Variants in BAZ2B observed in about 807,000 individuals in gnomAD.
The protein encoded by BAZ2B is bromodomain adjacent to zinc finger domain protein 2B.
In BAZ2B, 91 loss-of-function variants were observed where a neutral mutation model predicts 246.0. That is an observed-to-expected ratio of 0.37 (90% CI 0.31 to 0.44). The LOEUF (loss-of-function observed/expected upper bound fraction) is 0.44. Among genes scored for constraint, BAZ2B ranks in the 20% least tolerant of loss-of-function variants. BAZ2B has a pLI of 1.00. For missense variants in BAZ2B, 2,332 were observed against 2,533.7 expected, an observed-to-expected ratio of 0.92 and a Z score of 1.71; for synonymous variants, 855 against 860.0, an observed-to-expected ratio of 0.99 and a Z score of 0.10.
intron 27 of BAZ2B, among the ~76,000 whole-genome samples, chr2:159,370,119 A>G (rs973803549): frequency 8.5e-5 from 13 of 152,182 alleles, no homozygotes; most frequent in African/African-American, 1.4e-4. Flanking sequence ...GAATTGAACA[A>G]TGAGAACACT....
intron 13 of BAZ2B, among the ~76,000 whole-genome samples, chr2:159,418,543 C>T (rs2068161101): frequency 6.6e-6 from 1 of 152,038 alleles, no homozygotes; most frequent in South Asian, 2.1e-4. Context: ...TTCAATTTTA[C>T]TCATCCTGGC....
chr2:159,616,361 A>G lies in BAZ2B; in HGVS notation c.-165T>C, dbSNP rs1696105878. ...TATTTCTATTATTATTTCTGCAAGA[A>G]AAGTATAAAGAGAGTTGTAGTGGAG... is the stretch of plus-strand genomic sequence containing the variant. On this transcript the variant is annotated 5_prime_UTR_variant, in exon 1 of 37. Transcript: ENST00000392783. The G allele has an allele frequency of 1.3e-5, 2 of 152,216 alleles. No individual in the cohort carries two copies. 9.4% of individuals were successfully genotyped at this position (152,216 alleles called of 1,614,324 possible).
the BAZ2B span, among the ~76,000 whole-genome samples, chr2:159,684,352 T>C: frequency 6.6e-6 from 1 of 152,240 alleles, no homozygotes; most frequent in South Asian, 2.1e-4. Flanking sequence ...TGCTGAGTTG[T>C]GTAGTAAGTA....
At chr2:159,346,682 C>A (rs2067887049) in intron 31 of BAZ2B, among the ~76,000 whole-genome samples, 4 of 152,104 alleles carry the variant, frequency 2.6e-5, no homozygotes, top group Admixed American at 2.6e-4. Context: ...GCGTGAGACT[C>A]CATCTCAAAA....
chr2:159,465,210 C>T (rs922735279), intron 3 of BAZ2B, among the ~76,000 whole-genome samples: 1 of 152,192 alleles, frequency 6.6e-6, no homozygotes, highest in South Asian at 2.1e-4. Context: ...GGGTATGCTT[C>T]CTGTGTCTTC....
At chr2:159,330,726 C>T (rs1280833215) in intron 34 of BAZ2B, among the ~76,000 whole-genome samples, 1 of 151,442 alleles carries the variant, frequency 6.6e-6, no homozygotes, top group African/African-American at 2.4e-5. Flanking sequence ...GGCATAGTGG[C>T]ACAGGCCTGT....
the BAZ2B span, among the ~76,000 whole-genome samples, chr2:159,666,505 G>C: frequency 6.6e-6 from 1 of 151,982 alleles, no homozygotes; most frequent in Non-Finnish European, 1.5e-5. Context: ...AAGTGATCCA[G>C]CGACCTCAGC....
intron 1 of BAZ2B, among the ~76,000 whole-genome samples, chr2:159,588,622 A>C (rs1356680665): frequency 6.6e-6 from 1 of 152,136 alleles, no homozygotes; most frequent in East Asian, 1.9e-4. Context: ...GATGTTTAGC[A>C]CTGCTGGCCC....
chr2:159,672,635 A>C, the BAZ2B span, among the ~76,000 whole-genome samples: 1 of 152,178 alleles, frequency 6.6e-6, no homozygotes, highest in East Asian at 1.9e-4. Context: ...GGGAGGTGTT[A>C]TGGCTTCCTG....
the BAZ2B span, among the ~76,000 whole-genome samples, chr2:159,678,350 A>G: frequency 6.6e-6 from 1 of 152,342 alleles, no homozygotes; most frequent in Non-Finnish European, 1.5e-5. Context: ...TACTTTTTCC[A>G]TTACAAAATA....
chr2:159,518,852 C>T (rs977627452), intron 2 of BAZ2B, among the ~76,000 whole-genome samples: 5 of 152,128 alleles, frequency 3.3e-5, no homozygotes, highest in African/African-American at 1.2e-4. Flanking sequence ...GAAACAAGAT[C>T]AAATTACAAA....
intron 2 of BAZ2B, among the ~76,000 whole-genome samples, chr2:159,535,808 C>CA (rs1211043141): frequency 6.6e-6 from 1 of 152,132 alleles, no homozygotes; most frequent in Non-Finnish European, 1.5e-5. Context: ...CTCCTCAAAG[C>CA]AAAATCCATG....
the BAZ2B span, among the ~76,000 whole-genome samples, chr2:159,639,873 A>T: frequency 1.3e-5 from 2 of 152,122 alleles, no homozygotes; most frequent in Non-Finnish European, 2.9e-5. Context: ...CTAAATGTAA[A>T]TAGACTAAAC....
chr2:159,514,159 A>G (rs1162947677), intron 2 of BAZ2B, among the ~76,000 whole-genome samples: 2 of 152,084 alleles, frequency 1.3e-5, no homozygotes, highest in Non-Finnish European at 2.9e-5. Flanking sequence ...AATGCTATGC[A>G]GTTTATTTAT....
chr2:159,586,015 G>A (rs1687935395), intron 1 of BAZ2B, among the ~76,000 whole-genome samples: 1 of 152,148 alleles, frequency 6.6e-6, no homozygotes, highest in Admixed American at 6.5e-5. Context: ...TTAAGTATGA[G>A]TAAGGCAGAT....
intron 20 of BAZ2B, among the ~76,000 whole-genome samples, chr2:159,394,815 G>A (rs1456461822): frequency 6.6e-6 from 1 of 152,072 alleles, no homozygotes; most frequent in Non-Finnish European, 1.5e-5. Flanking sequence ...ATGAATCACA[G>A]AGAAGTTAAA....
At chr2:159,592,682 G>A (rs1281505159) in intron 1 of BAZ2B, among the ~76,000 whole-genome samples, 1 of 152,112 alleles carries the variant, frequency 6.6e-6, no homozygotes, top group Non-Finnish European at 1.5e-5. Context: ...ACAGGGACAA[G>A]GAAAAAAGGC....
At chr2:159,401,493 A>G (rs763338096) in intron 16 of BAZ2B, among the ~76,000 whole-genome samples, 14 of 152,216 alleles carry the variant, frequency 9.2e-5, no homozygotes, top group Non-Finnish European at 1.9e-4. Flanking sequence ...TATTATTAAC[A>G]ATAATTTCCA....
chr2:159,513,383 T>C (rs2083123137), intron 2 of BAZ2B, among the ~76,000 whole-genome samples: 1 of 152,226 alleles, frequency 6.6e-6, no homozygotes, highest in African/African-American at 2.4e-5. Flanking sequence ...CCTGTTTGAC[T>C]AAGTAAGTCC....
Sources: allele counts gnomAD v4.1 joint callset (sites outside exome capture counted in the v4.1 genomes callset), GRCh38; gene constraint gnomAD v4.1.1; transcripts MANE v1.5; gene names NCBI Gene and HGNC (gene_info 2026-07-23, HGNC 2026-07-21).